NEAT1: variants seen among roughly 807,000 people sequenced by gnomAD.
NEAT1 encodes the protein nuclear paraspeckle assembly transcript 1, also known as MENepsilon/beta.
At chr11:65,437,498 AATGGTT>A (rs1856672520) in exon 1 of NEAT1, 1 of 152,064 alleles carries the variant, frequency 6.6e-6, no homozygotes, top group Non-Finnish European at 1.5e-5. Context: ...GCCAGTTCCT[AATGGTT>A]TTACATAGTG....
chr11:65,444,543 A>T, exon 1 of NEAT1: 1 of 495,228 alleles, frequency 2.0e-6, no homozygotes, highest in Admixed American at 2.2e-5. Flanking sequence ...CATGGCAGCC[A>T]GGACAGGACT....
chr11:65,438,324 G>A (rs192060312), exon 1 of NEAT1: 22 of 151,878 alleles, frequency 1.4e-4, no homozygotes, highest in South Asian at 4.2e-4. Flanking sequence ...TATTATTACC[G>A]GTTTTCCATT....
chr11:65,432,150 T>C (rs976676938), exon 1 of NEAT1: 2 of 152,242 alleles, frequency 1.3e-5, no homozygotes, highest in Non-Finnish European at 1.5e-5. Context: ...CTTTTTAGTA[T>C]AATGATTTAC....
chr11:65,425,274 C>T (rs1392151054), exon 1 of NEAT1: 1 of 152,088 alleles, frequency 6.6e-6, no homozygotes, highest in Non-Finnish European at 1.5e-5. Context: ...TAACTGAAAA[C>T]AGGTGACACA....
chr11:65,443,756 G>A (rs151105075), exon 1 of NEAT1: 3,268 of 152,332 alleles, frequency 0.021, 56 homozygotes, highest in Non-Finnish European at 0.03. Flanking sequence ...ACTGCCCTGC[G>A]CCCCAGATGG....
At chr11:65,429,394 G>A (rs1277038908) in exon 1 of NEAT1, 2 of 152,166 alleles carry the variant, frequency 1.3e-5, no homozygotes, top group Non-Finnish European at 2.9e-5. Flanking sequence ...TCCTCCGACG[G>A]ATCGAGTCTG....
Position 65,445,410 on chromosome 11 carries a change from G to A in NEAT1, n.22613G>A, listed in dbSNP as rs549235217. ...AAGGGAAGTAAGGAAGGTAGGAGGT[G>A]AGCCTGGGAGGGAGGGAGGGAGGCG... On this transcript the variant is annotated non_coding_transcript_exon_variant, in exon 1 of 1. Coordinates refer to ENST00000501122, the Ensembl canonical transcript of NEAT1. 1.2e-4 allele frequency: 19 copies of A among 152,152 alleles called. 1 individual carries two copies. Among genetic ancestry groups the A allele is most frequent in the African/African-American group, 4.1e-4 (17 of 41,496 alleles). 9.4% of individuals were successfully genotyped at this position (152,152 alleles called of 1,614,324 possible). A position where few individuals can be genotyped will look rare whatever the true frequency, so the allele number is the denominator to read the frequency against.
chr11:65,434,677 C>T (rs1856642382), exon 1 of NEAT1: 1 of 152,102 alleles, frequency 6.6e-6, no homozygotes, highest in Admixed American at 6.6e-5. Flanking sequence ...AGGGTAGGTA[C>T]CAAGAAGTGA....
chr11:65,435,346 A>G (rs980110461), exon 1 of NEAT1: 1 of 152,122 alleles, frequency 6.6e-6, no homozygotes. Context: ...TCCTTCAGAC[A>G]TTTTCTGGCT....
exon 1 of NEAT1, chr11:65,424,640 G>A (rs1486723771): frequency 6.6e-6 from 1 of 152,274 alleles, no homozygotes; most frequent in Non-Finnish European, 1.5e-5. Context: ...GTGTCATTGT[G>A]TTGTGCTAAA....
exon 1 of NEAT1, chr11:65,430,960 T>C (rs1856609108): frequency 6.6e-6 from 1 of 152,230 alleles, no homozygotes; most frequent in South Asian, 2.1e-4. Context: ...TAGTGTTAAG[T>C]ATGTCGCCAT....
At chr11:65,431,477 A>C (rs1856613363) in exon 1 of NEAT1, 1 of 152,178 alleles carries the variant, frequency 6.6e-6, no homozygotes, top group Admixed American at 6.5e-5. Context: ...TTTATTGAGG[A>C]ACCACTGTAG....
exon 1 of NEAT1, chr11:65,423,122 G>C (rs563944436): frequency 1.3e-5 from 2 of 153,006 alleles, no homozygotes; most frequent in Admixed American, 6.5e-5. Flanking sequence ...GGGTGCGCTG[G>C]TCTGTGTGGA....
chr11:65,426,146 T>G (rs1474566345), exon 1 of NEAT1: 1 of 152,236 alleles, frequency 6.6e-6, no homozygotes, highest in Admixed American at 6.5e-5. Context: ...CAATGGCTTT[T>G]TATCATTTCC....
At chr11:65,428,742 T>C (rs1856586020) in exon 1 of NEAT1, 1 of 152,144 alleles carries the variant, frequency 6.6e-6, no homozygotes, top group South Asian at 2.1e-4. Context: ...TTCAGCCTGC[T>C]AGTTAGGACG....
At chr11:65,431,498 C>T (rs1856613516) in exon 1 of NEAT1, 1 of 152,094 alleles carries the variant, frequency 6.6e-6, no homozygotes, top group Non-Finnish European at 1.5e-5. Flanking sequence ...TTTTTCATAG[C>T]AACTGCACCA....
At chr11:65,430,313 G>C (rs1856603148) in exon 1 of NEAT1, 2 of 152,374 alleles carry the variant, frequency 1.3e-5, no homozygotes, top group Non-Finnish European at 2.9e-5. Flanking sequence ...CCCGCCTGGC[G>C]CTGGACCTTT....
exon 1 of NEAT1, chr11:65,443,014 C>T (rs1856728861): frequency 6.6e-6 from 1 of 152,182 alleles, no homozygotes; most frequent in African/African-American, 2.4e-5. Context: ...GTGTGGCTCC[C>T]TTTCTTCATT....
chr11:65,427,832 A>G (rs1164424043), exon 1 of NEAT1: 2 of 152,156 alleles, frequency 1.3e-5, no homozygotes, highest in African/African-American at 2.4e-5. Flanking sequence ...CTGGAAGATA[A>G]CTGCTATAGA....
Sources: allele counts gnomAD v4.1 joint callset, GRCh38; gene constraint gnomAD v4.1.1; transcripts MANE v1.5; gene names NCBI Gene and HGNC (gene_info 2026-07-23, HGNC 2026-07-21).